The following ACP7 variants were observed in gnomAD, a reference collection of about 807,000 sequenced individuals.
ACP7 encodes the protein acid phosphatase type 7.
A neutral mutation model predicts 60.6 loss-of-function variants in ACP7; 58 were observed. The observed-to-expected ratio is 0.96, with a 90% CI of 0.77 to 1.19. ACP7 has a LOEUF of 1.19. Ranked by LOEUF, ACP7 falls within the 50% of genes most tolerant of loss-of-function variation. The pLI, the probability that ACP7 is intolerant of heterozygous loss-of-function variation, is 0.00. For synonymous variants in ACP7, 237 were observed against 232.6 expected (o/e 1.02, Z -0.17); for missense variants, 574 against 596.2 (o/e 0.96, Z 0.39).
At chr19:39,086,604 T>C (rs2144955791) in intron 2 of ACP7, among the ~76,000 whole-genome samples, 1 of 116,452 alleles carries the variant, frequency 8.6e-6, no homozygotes, top group South Asian at 3.0e-4. Context: ...CACTCCAACC[T>C]GGCTGACAGA....
chr19:39,088,934 A>G (rs2569366), intron 2 of ACP7, among the ~76,000 whole-genome samples: 3,629 of 133,038 alleles, frequency 0.027, 148 homozygotes, highest in African/African-American at 0.099. Flanking sequence ...GTATTTTTGC[A>G]TTTTTTTTTT....
At chr19:39,100,133 T>C in intron 4 of ACP7, 94 bp from the exon 5 acceptor site, 1 of 1,527,888 alleles carries the variant, frequency 6.5e-7, no homozygotes, top group South Asian at 1.2e-5. Context: ...AGCGCTGGGA[T>C]TAACAGGTGT....
intron 12 of ACP7, among the ~76,000 whole-genome samples, chr19:39,108,073 T>C (rs575305891): frequency 3.0e-4 from 45 of 151,206 alleles, no homozygotes; most frequent in South Asian, 4.2e-4. Flanking sequence ...CGAACAAATG[T>C]GGACTGTAGA....
intron 10 of ACP7, 35 bp downstream of exon 10, chr19:39,101,390 TG>T: frequency 6.2e-7 from 1 of 1,613,976 alleles, no homozygotes. Flanking sequence ...CCCACACAGC[TG>T]GGGTCAGGGT....
In ACP7 at chr19:39,100,413, T is replaced by C; in HGVS notation, c.629+63T>C. Reference sequence around the variant, plus strand: ...ATCAATGGAAATGGTCTCGTTCTTCTTAGTGTCTCCCTTGAGTCTCTCATG... The same window carrying C: ...ATCAATGGAAATGGTCTCGTTCTTCCTAGTGTCTCCCTTGAGTCTCTCATG... On this transcript the variant is annotated intron_variant, in intron 5 of 12. Coordinates refer to ENST00000331256, the MANE Select transcript of ACP7 (RefSeq NM_001004318.3). The C allele has an allele frequency of 2.5e-6, 4 of 1,606,528 alleles. No homozygotes were observed. The South Asian group carries it at 3.3e-5, about 13-fold the overall frequency.
chr19:39,085,525 T>A, intron 2 of ACP7, 135 bp downstream of exon 2: 1 of 1,220,434 alleles, frequency 8.2e-7, no homozygotes. Flanking sequence ...ATCATCCACC[T>A]CTGTGGAATA....
intron 2 of ACP7, among the ~76,000 whole-genome samples, chr19:39,085,831 C>T (rs1465214486): frequency 6.6e-6 from 1 of 152,186 alleles, no homozygotes; most frequent in Non-Finnish European, 1.5e-5. Flanking sequence ...TAGGATCCTT[C>T]CACTGTGGGA....
rs1290806847 is a variant in ACP7, at chr19:39,085,134, G to A, written c.-136G>A. On this transcript the variant is annotated 5_prime_UTR_variant, in exon 2 of 13. Coordinates refer to ENST00000331256, the MANE Select transcript of ACP7 (RefSeq NM_001004318.3). ...ATCTTGAAGGAGACCTCCCTGCCCT[G>A]CCTCTGTTGTCCCCCAGAGCACTGC... 5 of 1,103,498 alleles carry A rather than the reference G, an allele frequency of 4.5e-6. No individual in the cohort carries two copies. Among genetic ancestry groups the A allele is most frequent in the Non-Finnish European group, 3.8e-6 (3 of 793,748 alleles). The allele number at this position is 1,103,498 out of a possible 1,614,324, so 68.4% of individuals were successfully genotyped here.
Position 39,098,473 on chromosome 19 carries a change from T to G in ACP7, c.137T>G (p.Met46Arg). ...HLSYPGEPGS[M>R]TVTWTTWVPT... ...TTCTCCCCAGGTGAGCCAGGCTCCA[T>G]GACTGTAACTTGGACCACATGGGTC... The change falls in exon 3 of 13, where the codon ATG (methionine) becomes AGG (arginine). Residue 46 changes from methionine to arginine, a missense_variant. Met to Arg is a moderately conservative substitution (Grantham distance 91). Coordinates refer to ENST00000331256, the MANE Select transcript of ACP7 (RefSeq NM_001004318.3). The G allele has an allele frequency of 6.6e-7, 1 of 1,518,916 alleles. No homozygotes were observed. The highest frequency in any genetic ancestry group is 1.2e-5 in the South Asian group (1 of 85,038). The allele number at this position is 1,518,916 out of a possible 1,614,324, so 94.1% of individuals were successfully genotyped here.
intron 2 of ACP7, among the ~76,000 whole-genome samples, chr19:39,087,932 C>G (rs941920519): frequency 6.6e-6 from 1 of 152,104 alleles, no homozygotes; most frequent in Non-Finnish European, 1.5e-5. Context: ...CCGTGCCTGG[C>G]TCTAGTCCTA....
intron 2 of ACP7, among the ~76,000 whole-genome samples, chr19:39,090,297 T>C (rs2073189521): frequency 6.6e-6 from 1 of 151,342 alleles, no homozygotes; most frequent in African/African-American, 2.4e-5. Context: ...GCCTCCTGAG[T>C]AGCGGGGATT....
At chr19:39,103,689 G>A (rs11670336) in intron 11 of ACP7, among the ~76,000 whole-genome samples, 79,416 of 151,374 alleles carry the variant, frequency 0.52, 21,849 homozygotes, top group East Asian at 0.64. Context: ...TTAGCCATGC[G>A]TGGTGGTGCA....
chr19:39,102,708 T>A (rs2073361041), intron 11 of ACP7, among the ~76,000 whole-genome samples: 1 of 105,390 alleles, frequency 9.5e-6, no homozygotes. Context: ...GCTGTTCCAA[T>A]GAAGACTTTT....
At chr19:39,102,120 T>TCTCACA (rs1555769290) in intron 11 of ACP7, among the ~76,000 whole-genome samples, 20 of 145,852 alleles carry the variant, frequency 1.4e-4, no homozygotes, top group African/African-American at 4.1e-4. Context: ...ACCCTTTCTC[T>TCTCACA]CACACACACA....
chr19:39,106,461 C>T (rs1016009585), intron 11 of ACP7, among the ~76,000 whole-genome samples: 16 of 152,126 alleles, frequency 1.1e-4, no homozygotes, highest in African/African-American at 2.9e-4. Flanking sequence ...GTCAGAGACC[C>T]GGAGCAAGGG....
Position 39,099,113 on chromosome 19 carries a change from A to T in ACP7, c.476A>T (p.Gln159Leu), listed in dbSNP as rs772565300. Residue 159 changes from glutamine (Q) to leucine (L), a missense_variant, in exon 4 of 13, where the codon CAG becomes CTG. Transcript: ENST00000331256. ...CCCCGGCTGCGCAGGGACACCCAGC[A>T]GGGCATGTATGACGCCGTTCTCCAT... Reference protein sequence around the residue: ...AVPRLRRDTQQGMYDAVLHVG... With the variant: ...AVPRLRRDTQLGMYDAVLHVG... The T allele has an allele frequency of 1.5e-5, 23 of 1,580,458 alleles. No homozygotes were observed. The East Asian group carries it at 4.8e-4, about 33-fold the overall frequency.
chr19:39,110,134 TC>T lies in ACP7; in HGVS notation c.*18del. On this transcript the variant is annotated 3_prime_UTR_variant, in exon 13 of 13. Transcript: ENST00000331256. ...GTACCTCTAGGGATGGCGGCAGCTC[TC>T]CTCCAGAAGCCTAGGTTTTGCCGCC... 6.2e-7 allele frequency: 1 copy of T among 1,609,772 alleles called. No individual in the cohort carries two copies. The highest frequency in any genetic ancestry group is 1.1e-5 in the South Asian group (1 of 90,978).
intron 2 of ACP7, among the ~76,000 whole-genome samples, chr19:39,094,493 A>G (rs1722456927): frequency 1.0e-5 from 1 of 98,232 alleles, no homozygotes; most frequent in African/African-American, 3.9e-5. Context: ...ACAGAGTGAG[A>G]CTTAGTCTCA....
intron 2 of ACP7, among the ~76,000 whole-genome samples, chr19:39,085,769 C>G (rs764398299): frequency 6.6e-6 from 1 of 152,202 alleles, no homozygotes; most frequent in Non-Finnish European, 1.5e-5. Flanking sequence ...AGCCCCTTCT[C>G]CATCCCTCTT....
Sources: gnomAD v4.1 joint callset for allele counts (sites outside exome capture counted in the v4.1 genomes callset) on GRCh38, gnomAD v4.1.1 for gene constraint, MANE v1.5 for transcripts, NCBI Gene and HGNC (gene_info 2026-07-23, HGNC 2026-07-21) for gene names.